Variants in PAPPA observed in about 807,000 individuals in gnomAD.
The protein encoded by PAPPA is pappalysin 1, also known as pappalysin-1.
In PAPPA, 60 loss-of-function variants were observed where a neutral mutation model predicts 164.0. The ratio of observed to expected loss-of-function variants is 0.37; its 90% CI spans 0.30 to 0.45. PAPPA has a LOEUF of 0.45. PAPPA is among the 20% of genes least tolerant of loss of function. The pLI is 1.00. For synonymous variants in PAPPA, 875 were observed against 814.1 expected (o/e 1.07, Z -1.27); for missense variants, 1,782 against 2,087.3 (o/e 0.85, Z 2.85).
intron 9 of PAPPA, chr9:116,288,822 G>A (rs903132965): frequency 2.9e-4 from 44 of 151,964 alleles, no homozygotes; most frequent in African/African-American, 1.0e-3. Flanking sequence ...TGGTCTTTGA[G>A]GTGAACCAAA....
chr9:116,156,109 A>ATT (rs35362408), intron 1 of PAPPA, among the ~76,000 whole-genome samples: 8 of 137,930 alleles, frequency 5.8e-5, no homozygotes, highest in South Asian at 2.4e-4. Context: ...CTTGGAGGTG[A>ATT]TTTTTTTTTT....
At position 116,353,651 on chromosome 9, in the gene PAPPA, A is replaced by T. The variant is rs1564238434; in HGVS notation, c.4205A>T (p.Asp1402Val). Reference sequence around the variant, plus strand: ...GCCTTCAAGACTCAGTGTACCCAGGATGGCAGCTGGCAGGAGGGAGCTTGT... The same window carrying T: ...GCCTTCAAGACTCAGTGTACCCAGGTTGGCAGCTGGCAGGAGGGAGCTTGT... ...KRAFKTQCTQ[D>V]GSWQEGACVP... Residue 1402 changes from aspartate to valine, a missense_variant, in exon 17 of 22, where the codon GAT becomes GTT. Coordinates refer to ENST00000328252, the MANE Select transcript of PAPPA (RefSeq NM_002581.5). 6.2e-7 allele frequency: 1 copy of T among 1,614,076 alleles called. No individual in the cohort carries two copies. Among genetic ancestry groups the T allele is most frequent in the Admixed American group, 1.7e-5 (1 of 60,020 alleles).
intron 4 of PAPPA, among the ~76,000 whole-genome samples, chr9:116,215,651 A>G (rs1203230316): frequency 6.6e-6 from 1 of 152,166 alleles, no homozygotes; most frequent in African/African-American, 2.4e-5. Flanking sequence ...TACTGGCCTT[A>G]ATACTTGGGT....
intron 11 of PAPPA, 120 bp downstream of exon 11, chr9:116,331,477 G>A: frequency 1.5e-6 from 1 of 662,622 alleles, no homozygotes; most frequent in Non-Finnish European, 2.7e-6. Flanking sequence ...TGTAAGAACA[G>A]GGAACAAAAC....
At chr9:116,351,524 G>A (rs1413722139) in intron 15 of PAPPA, among the ~76,000 whole-genome samples, 1 of 152,186 alleles carries the variant, frequency 6.6e-6, no homozygotes, top group African/African-American at 2.4e-5. Context: ...TAGAAAAATT[G>A]AGATTTGATG....
At chr9:116,274,142 CA>C (rs1845169557) in intron 9 of PAPPA, among the ~76,000 whole-genome samples, 1 of 148,224 alleles carries the variant, frequency 6.7e-6, no homozygotes, top group Non-Finnish European at 1.5e-5. Context: ...GAAAAAAAAA[CA>C]TTGCAAAACA....
chr9:116,252,389 A>G (rs546698235), intron 7 of PAPPA, among the ~76,000 whole-genome samples: 1 of 152,304 alleles, frequency 6.6e-6, no homozygotes, highest in African/African-American at 2.4e-5. Flanking sequence ...CCACCAGGAG[A>G]AATAAGAAAA....
intron 20 of PAPPA, among the ~76,000 whole-genome samples, chr9:116,379,682 C>T (rs1050800365): frequency 1.1e-4 from 17 of 152,052 alleles, no homozygotes; most frequent in African/African-American, 1.7e-4. Flanking sequence ...ATGGATGATG[C>T]GCACAGTATA....
intron 9 of PAPPA, among the ~76,000 whole-genome samples, chr9:116,273,849 T>C (rs12353363): frequency 0.15 from 22,236 of 152,228 alleles, 2,256 homozygotes; most frequent in Admixed American, 0.27. Flanking sequence ...TTATAGACTG[T>C]TGTTCTCTAC....
At chr9:116,314,225 C>T (rs1845759598) in intron 10 of PAPPA, among the ~76,000 whole-genome samples, 1 of 151,694 alleles carries the variant, frequency 6.6e-6, no homozygotes, top group South Asian at 2.1e-4. Flanking sequence ...CACACACCAC[C>T]ACATCCAACT....
At chr9:116,277,704 A>G (rs1293743589) in intron 9 of PAPPA, among the ~76,000 whole-genome samples, 1 of 152,116 alleles carries the variant, frequency 6.6e-6, no homozygotes. Context: ...TTGAGACAGA[A>G]TCTCACTCTG....
chr9:116,331,378 C>G, intron 11 of PAPPA, 21 bp downstream of exon 11: 2 of 1,397,144 alleles, frequency 1.4e-6, no homozygotes, highest in South Asian at 2.3e-5. Context: ...GCTCTGAGAG[C>G]TTTGGAATCT....
intron 3 of PAPPA, among the ~76,000 whole-genome samples, chr9:116,209,735 T>C (rs572255117): frequency 2.4e-4 from 37 of 152,278 alleles, no homozygotes; most frequent in Non-Finnish European, 4.4e-5. Context: ...CCAATCATCA[T>C]CCCTGGAATG....
At chr9:116,308,685 G>A (rs1166008914) in intron 10 of PAPPA, among the ~76,000 whole-genome samples, 3 of 152,156 alleles carry the variant, frequency 2.0e-5, no homozygotes, top group Admixed American at 6.5e-5. Context: ...TATGTGGTAC[G>A]TATTTAAGGA....
At chr9:116,215,983 C>A (rs144439754) in intron 4 of PAPPA, among the ~76,000 whole-genome samples, 303 of 152,054 alleles carry the variant, frequency 2.0e-3, no homozygotes, top group African/African-American at 6.9e-3. Flanking sequence ...CACACATATA[C>A]CTTAGACATC....
chr9:116,289,205 T>TGGC (rs1845391970), intron 9 of PAPPA, among the ~76,000 whole-genome samples: 1 of 9,948 alleles, frequency 1.0e-4, no homozygotes. Context: ...AGCATATATA[T>TGGC]ATAGCATATA....
intron 10 of PAPPA, among the ~76,000 whole-genome samples, chr9:116,315,147 G>T (rs141854355): frequency 6.6e-6 from 1 of 152,092 alleles, no homozygotes; most frequent in East Asian, 1.9e-4. Context: ...TTATGTTTCC[G>T]GATTACAGCC....
At chr9:116,227,659 TTCATTTGAGTAACATCA>T in intron 6 of PAPPA, 107 bp downstream of exon 6, 1 of 1,172,914 alleles carries the variant, frequency 8.5e-7, no homozygotes, top group Non-Finnish European at 1.2e-6. Context: ...CATGTATCAT[TTCATTTGAGTAACATCA>T]TCCTGCAAGG....
intron 12 of PAPPA, among the ~76,000 whole-genome samples, chr9:116,334,410 G>A (rs552763552): frequency 4.9e-4 from 75 of 152,236 alleles, no homozygotes; most frequent in African/African-American, 1.8e-3. Flanking sequence ...CTGCTCCCAG[G>A]TTCACAGATT....
Sources: allele counts gnomAD v4.1 joint callset (sites outside exome capture counted in the v4.1 genomes callset), GRCh38; gene constraint gnomAD v4.1.1; transcripts MANE v1.5; gene names NCBI Gene and HGNC (gene_info 2026-07-23, HGNC 2026-07-21).